Variants in TMEM161B observed in about 807,000 individuals in gnomAD.
The protein encoded by TMEM161B is transmembrane protein 161B.
TMEM161B carries 34 observed loss-of-function variants against 61.8 expected under a neutral mutation model. The observed-to-expected ratio is 0.55, with a 90% CI of 0.42 to 0.73. TMEM161B has a LOEUF of 0.73. TMEM161B is among the 30% of genes least tolerant of loss of function. The pLI, the probability that TMEM161B is intolerant of heterozygous loss-of-function variation, is 0.00. For missense variants in TMEM161B, 456 were observed against 558.5 expected (o/e 0.82, Z 1.85); for synonymous variants, 167 against 192.8 (o/e 0.87, Z 1.11).
chr5:88,193,108 T>C (rs1307096918), downstream of TMEM161B, among the ~76,000 whole-genome samples: 1 of 152,136 alleles, frequency 6.6e-6, no homozygotes, highest in African/African-American at 2.4e-5. Flanking sequence ...GGAAAAATAC[T>C]GATATAATAA....
intron 1 of TMEM161B, among the ~76,000 whole-genome samples, chr5:88,263,838 G>C (rs1756002323): frequency 6.6e-6 from 1 of 152,144 alleles, no homozygotes; most frequent in South Asian, 2.1e-4. Flanking sequence ...TTAACCAAGA[G>C]AAAAGTCAGT....
At chr5:88,190,038 C>T in exon 13 of TMEM161B, 1 of 700,452 alleles carries the variant, frequency 1.4e-6, no homozygotes, top group East Asian at 2.7e-5. Flanking sequence ...CAGTCCAAAT[C>T]TAGGAATAAG....
intron 2 of TMEM161B, 36 bp from the exon 3 acceptor site, chr5:88,228,564 T>G: frequency 7.8e-5 from 104 of 1,328,874 alleles, no homozygotes; most frequent in Middle Eastern, 1.9e-4. Flanking sequence ...ATAAAGCGCT[T>G]AAAATCACCA....
rs114181277 is a variant in TMEM161B at position 88,243,666 on chromosome 5, G to A, written c.4-2750C>T. Among the ~76,000 whole-genome samples the A allele has an allele frequency of 4.7e-3, 707 of 151,894 alleles. 11 individuals carry two copies. The highest frequency in any genetic ancestry group is 0.016 in the African/African-American group (681 of 41,484). On this transcript the variant is annotated intron_variant, in intron 1 of 11. Transcript: ENST00000296595. ...TCTGTTTTAAGTTATTTGAGAAGTC[G>A]CCAAACTGCTTTGCACAATGGCTGA... is the stretch of plus-strand genomic sequence containing the variant.
intron 5 of TMEM161B, among the ~76,000 whole-genome samples, chr5:88,218,151 T>C (rs1364379224): frequency 2.0e-5 from 3 of 152,102 alleles, no homozygotes; most frequent in East Asian, 3.8e-4. Flanking sequence ...CTTTCAAGCA[T>C]GCAAGAAAGA....
intron 2 of TMEM161B, among the ~76,000 whole-genome samples, chr5:88,237,792 A>C (rs902231428): frequency 2.0e-5 from 3 of 152,194 alleles, no homozygotes; most frequent in Non-Finnish European, 4.4e-5. Context: ...TTATTTAACA[A>C]GAGCTACAAA....
At chr5:88,228,359 T>C (rs1017157107) in intron 3 of TMEM161B, 86 bp downstream of exon 3, 2 of 1,008,058 alleles carry the variant, frequency 2.0e-6, no homozygotes, top group Admixed American at 5.0e-5. Flanking sequence ...ACATAATTGG[T>C]ACATGTTTCT....
At chr5:88,257,457 T>C (rs925796759) in intron 1 of TMEM161B, among the ~76,000 whole-genome samples, 1 of 152,182 alleles carries the variant, frequency 6.6e-6, no homozygotes, top group Non-Finnish European at 1.5e-5. Context: ...AATGCATTCA[T>C]TGTGAATATT....
chr5:88,210,940 A>G (rs1746596110), intron 5 of TMEM161B, among the ~76,000 whole-genome samples: 1 of 152,196 alleles, frequency 6.6e-6, no homozygotes, highest in South Asian at 2.1e-4. Context: ...GATAGTAAAT[A>G]CTTCAGGCTT....
chr5:88,187,332 T>C (rs1284924174), downstream of TMEM161B, among the ~76,000 whole-genome samples: 3 of 152,236 alleles, frequency 2.0e-5, no homozygotes, highest in African/African-American at 7.2e-5. Flanking sequence ...TCCATATAAA[T>C]TTAAGATCAG....
rs764112016 is a variant in TMEM161B, at chr5:88,220,727, GAAAA to G, written c.290-12_290-9del. The stretch of plus-strand genomic sequence containing the variant: ...CTGGAAAGTAATGCAATGCTGGAAA[GAAAA>G]AAAAAAAAAAAAAAAAAAAAGGTCA... On this transcript the variant is annotated splice_polypyrimidine_tract_variant and intron_variant, in intron 4 of 11. Transcript: ENST00000296595. 1,730 of 598,464 alleles carry G rather than the reference GAAAA, an allele frequency of 2.9e-3. No individual in the cohort carries two copies. Among genetic ancestry groups the G allele is most frequent in the East Asian group, 6.6e-3 (61 of 9,304 alleles). 37.1% of individuals were successfully genotyped at this position (598,464 alleles called of 1,614,324 possible). A position where few individuals can be genotyped will look rare whatever the true frequency, so the allele number is the denominator to read the frequency against.
At chr5:88,267,935 C>T (rs1036380803) in intron 1 of TMEM161B, among the ~76,000 whole-genome samples, 1 of 152,186 alleles carries the variant, frequency 6.6e-6, no homozygotes, top group African/African-American at 2.4e-5. Context: ...ACAACATATA[C>T]AAACCTCTCC....
chr5:88,255,148 C>T (rs1754803525), intron 1 of TMEM161B, among the ~76,000 whole-genome samples: 1 of 152,242 alleles, frequency 6.6e-6, no homozygotes, highest in African/African-American at 2.4e-5. Flanking sequence ...AACTGATGGA[C>T]CCAAACTGGG....
chr5:88,260,148 G>T (rs749678968), intron 1 of TMEM161B, among the ~76,000 whole-genome samples: 1 of 152,184 alleles, frequency 6.6e-6, no homozygotes, highest in Non-Finnish European at 1.5e-5. Context: ...AAATGCAGCT[G>T]TTATCGTTAT....
chr5:88,268,103 T>G (rs987769542), intron 1 of TMEM161B, among the ~76,000 whole-genome samples: 13 of 152,188 alleles, frequency 8.5e-5, no homozygotes, highest in African/African-American at 3.1e-4. Context: ...CATGCAAATC[T>G]TACGGTCATT....
chr5:88,225,844 T>G lies in TMEM161B; in HGVS notation c.214A>C (p.Ser72Arg). Reference sequence around the variant, plus strand: ...TCCTTTGGAATGGTTAATGGCTTACTTTCAATGTGACCATTATATTTCCTA... The same window carrying G: ...TCCTTTGGAATGGTTAATGGCTTACGTTCAATGTGACCATTATATTTCCTA... ...KDRKYNGHIE[S>R]KPLTIPKDID... Residue 72 changes from serine to arginine, a missense_variant, in exon 4 of 12, where the codon AGT (serine) becomes CGT (arginine). Physicochemically the swap from Ser to Arg is moderately radical, Grantham distance 110. This residue lies in a region of TMEM161B where 85 missense variants were observed against 111.2 expected (regional missense o/e 0.76). Coordinates refer to ENST00000296595, the MANE Select transcript of TMEM161B (RefSeq NM_153354.5). 6.2e-7 allele frequency: 1 copy of G among 1,609,744 alleles called. No individual in the cohort carries two copies. The highest frequency in any genetic ancestry group is 8.5e-7 in the Non-Finnish European group (1 of 1,177,740).
At chr5:88,207,270 GACT>G (rs34534189) in intron 5 of TMEM161B, 90 bp from the exon 6 acceptor site, 698,712 of 1,197,112 alleles carry the variant, frequency 0.58, 213,515 homozygotes, top group East Asian at 0.74. Context: ...AATAAAATTT[GACT>G]ACAACATTTA....
chr5:88,196,029 A>AT lies in TMEM161B; in HGVS notation c.*181dup. 2 of 1,384,578 alleles carry AT rather than the reference A, an allele frequency of 1.4e-6. No individual in the cohort carries two copies. Among genetic ancestry groups the AT allele is most frequent in the Non-Finnish European group, 1.9e-6 (2 of 1,074,030 alleles). The allele number at this position is 1,384,578 out of a possible 1,614,324, so 85.8% of individuals were successfully genotyped here. ...GTAACAGTTAACAATCTATTTTGTA[A>AT]TTTTAAATATTACTACATTAATTCA... is the stretch of plus-strand genomic sequence containing the variant. On this transcript the variant is annotated 3_prime_UTR_variant, in exon 12 of 12. Transcript: ENST00000296595.
intron 5 of TMEM161B, among the ~76,000 whole-genome samples, chr5:88,217,150 G>A (rs553629127): frequency 2.6e-5 from 4 of 152,258 alleles, no homozygotes; most frequent in South Asian, 2.1e-4. Context: ...TCAGCTACTC[G>A]GAGGGCTGGG....
Sources: gnomAD v4.1 joint callset for allele counts (sites outside exome capture counted in the v4.1 genomes callset) on GRCh38, gnomAD v4.1.1 for gene constraint, gnomAD v4.1.1 regional missense constraint, MANE v1.5 for transcripts, NCBI Gene and HGNC (gene_info 2026-07-23, HGNC 2026-07-21) for gene names.